Variants in GPC5 observed in about 807,000 individuals in gnomAD.
GPC5 encodes the protein glypican 5.
In GPC5, 47 loss-of-function variants were observed where a neutral mutation model predicts 53.9. That is an observed-to-expected ratio of 0.87 (90% CI 0.69 to 1.11). The LOEUF (loss-of-function observed/expected upper bound fraction) is 1.11, where lower values mean the gene tolerates loss of function less well. Ranked by LOEUF, GPC5 falls within the 50% of genes most tolerant of loss-of-function variation. The pLI is 0.00. For missense variants in GPC5, 748 were observed against 713.1 expected, an observed-to-expected ratio of 1.05 and a Z score of -0.56; for synonymous variants, 286 against 263.3, an observed-to-expected ratio of 1.09 and a Z score of -0.84.
chr13:92,617,001 A>AGT, intron 7 of GPC5, among the ~76,000 whole-genome samples: 5 of 152,358 alleles, frequency 3.3e-5, no homozygotes, highest in African/African-American at 1.2e-4. Flanking sequence ...CATTATATTA[A>AGT]AAAGCGACCA....
At chr13:91,427,603 G>A (rs1195322133) in intron 1 of GPC5, among the ~76,000 whole-genome samples, 1 of 152,140 alleles carries the variant, frequency 6.6e-6, no homozygotes, top group Non-Finnish European at 1.5e-5. Flanking sequence ...AGATAAAAGG[G>A]ACTTGCCTTT....
intron 7 of GPC5, among the ~76,000 whole-genome samples, chr13:92,181,114 A>G: frequency 6.6e-6 from 1 of 152,050 alleles, no homozygotes; most frequent in Non-Finnish European, 1.5e-5. Context: ...CTGATAGTCC[A>G]CAATAGCTAT....
At chr13:92,602,927 T>G (rs1452737660) in intron 7 of GPC5, among the ~76,000 whole-genome samples, 1 of 152,028 alleles carries the variant, frequency 6.6e-6, no homozygotes, top group East Asian at 1.9e-4. Context: ...AGGACATAGG[T>G]GCAAGTATCC....
intron 2 of GPC5, among the ~76,000 whole-genome samples, chr13:91,519,943 T>C (rs1199663809): frequency 6.6e-6 from 1 of 151,966 alleles, no homozygotes; most frequent in Non-Finnish European, 1.5e-5. Context: ...TGAAACAGAA[T>C]TTATCAAAGA....
At chr13:91,614,808 A>G (rs2033652457) in intron 2 of GPC5, among the ~76,000 whole-genome samples, 1 of 152,172 alleles carries the variant, frequency 6.6e-6, no homozygotes, top group African/African-American at 2.4e-5. Context: ...TCGAATACTC[A>G]AGATATTCCT....
intron 6 of GPC5, chr13:91,996,336 T>C (rs893626934): frequency 6.6e-6 from 1 of 152,248 alleles, no homozygotes; most frequent in African/African-American, 2.4e-5. Context: ...GCCCAGGCTA[T>C]AGCTAAGACT....
Position 92,281,713 on chromosome 13 carries a change from A to G in GPC5, c.1561+136724A>G, listed in dbSNP as rs1014222379. ...TGACTGTTAGAAGGAAAACTAACCAACAGAAAGGACATCCACACCAAAACC... is the reference window on the plus strand; with the variant it reads ...TGACTGTTAGAAGGAAAACTAACCAGCAGAAAGGACATCCACACCAAAACC... On this transcript the variant is annotated intron_variant, in intron 7 of 7. Coordinates refer to ENST00000377067, the MANE Select transcript of GPC5 (RefSeq NM_004466.6). Among the ~76,000 whole-genome samples the G allele has an allele frequency of 3.9e-5, 6 of 152,330 alleles. No homozygotes were observed. The South Asian group carries it at 1.0e-3, about 26-fold the overall frequency.
intron 7 of GPC5, among the ~76,000 whole-genome samples, chr13:92,863,816 A>G (rs1413041788): frequency 6.6e-6 from 1 of 151,966 alleles, no homozygotes; most frequent in Non-Finnish European, 1.5e-5. Flanking sequence ...AGCACCAATC[A>G]CCAGGTCTGT....
chr13:92,475,916 G>A (rs1188801814), intron 7 of GPC5, among the ~76,000 whole-genome samples: 22 of 151,872 alleles, frequency 1.4e-4, no homozygotes, highest in Non-Finnish European at 2.1e-4. Flanking sequence ...AGACTTAAAC[G>A]TTAGACCTAA....
intron 7 of GPC5, among the ~76,000 whole-genome samples, chr13:92,608,196 T>A (rs2139091039): frequency 6.6e-6 from 1 of 152,256 alleles, no homozygotes; most frequent in East Asian, 1.9e-4. Flanking sequence ...GAGTCAAAAA[T>A]TATATTTGGA....
chr13:91,726,502 G>C (rs931581754), intron 3 of GPC5, among the ~76,000 whole-genome samples: 1 of 152,060 alleles, frequency 6.6e-6, no homozygotes, highest in African/African-American at 2.4e-5. Context: ...TCTTTTCTCT[G>C]ACTTACCCTT....
intron 7 of GPC5, among the ~76,000 whole-genome samples, chr13:92,862,049 C>T (rs1594557031): frequency 6.6e-6 from 1 of 152,210 alleles, no homozygotes; most frequent in South Asian, 2.1e-4. Context: ...AATTTGACCT[C>T]GAGTTCAATG....
chr13:92,389,347 G>C (rs1387039185), intron 7 of GPC5, among the ~76,000 whole-genome samples: 4 of 152,074 alleles, frequency 2.6e-5, no homozygotes, highest in African/African-American at 4.8e-5. Context: ...GATGTGTCCT[G>C]TTTCTACTAG....
chr13:92,003,325 C>CAAAAAAAAAAAAA (rs57075719), intron 6 of GPC5, among the ~76,000 whole-genome samples: 1 of 100,204 alleles, frequency 1.0e-5, no homozygotes, highest in Non-Finnish European at 2.1e-5. Flanking sequence ...TGTCTTAACA[C>CAAAAAAAAAAAAA]AAAAAAAAAA....
At chr13:91,625,795 T>C (rs2033983357) in intron 2 of GPC5, among the ~76,000 whole-genome samples, 1 of 152,094 alleles carries the variant, frequency 6.6e-6, no homozygotes, top group South Asian at 2.1e-4. Context: ...TATAGATAAA[T>C]ATAATACATA....
At chr13:91,592,436 G>A (rs1214759997) in intron 2 of GPC5, among the ~76,000 whole-genome samples, 2 of 152,186 alleles carry the variant, frequency 1.3e-5, no homozygotes, top group Non-Finnish European at 2.9e-5. Context: ...TTTGTGAGGT[G>A]TTCTGGGCTG....
intron 7 of GPC5, among the ~76,000 whole-genome samples, chr13:92,560,655 A>G (rs1243503587): frequency 2.0e-5 from 3 of 152,116 alleles, no homozygotes; most frequent in Non-Finnish European, 4.4e-5. Flanking sequence ...GAAAGGTCCC[A>G]GTTTAGAAAC....
At chr13:91,645,477 G>A (rs1454911351) in intron 2 of GPC5, among the ~76,000 whole-genome samples, 1 of 152,072 alleles carries the variant, frequency 6.6e-6, no homozygotes, top group Non-Finnish European at 1.5e-5. Flanking sequence ...ATAGATCAGG[G>A]GGAAGAACCA....
At chr13:91,791,318 G>C (rs1175539515) in intron 5 of GPC5, among the ~76,000 whole-genome samples, 1 of 152,144 alleles carries the variant, frequency 6.6e-6, no homozygotes, top group Non-Finnish European at 1.5e-5. Flanking sequence ...TATAGGAATT[G>C]GAACTGTAGA....
Sources: gnomAD v4.1 joint callset for allele counts (sites outside exome capture counted in the v4.1 genomes callset) on GRCh38, gnomAD v4.1.1 for gene constraint, MANE v1.5 for transcripts, NCBI Gene and HGNC (gene_info 2026-07-23, HGNC 2026-07-21) for gene names.